PRKAR2A: variants seen among roughly 807,000 people sequenced by gnomAD.
The protein encoded by PRKAR2A is protein kinase cAMP-dependent type II regulatory subunit alpha, also known as cAMP-dependent protein kinase type II-alpha regulatory subunit.
A neutral mutation model predicts 51.9 loss-of-function variants in PRKAR2A; 29 were observed. The observed-to-expected ratio is 0.56, with a 90% CI of 0.42 to 0.76. The LOEUF (loss-of-function observed/expected upper bound fraction) is 0.76, where lower values mean the gene tolerates loss of function less well. Ranked by LOEUF, PRKAR2A falls within the 30% of genes least tolerant of loss-of-function variation. PRKAR2A has a pLI of 0.00. For missense variants in PRKAR2A, 445 were observed against 512.1 expected, an observed-to-expected ratio of 0.87 and a Z score of 1.26; for synonymous variants, 178 against 186.2, an observed-to-expected ratio of 0.96 and a Z score of 0.36.
At chr3:48,808,322 C>T (rs867319856) in intron 1 of PRKAR2A, among the ~76,000 whole-genome samples, 2 of 152,338 alleles carry the variant, frequency 1.3e-5, no homozygotes, top group Middle Eastern at 3.4e-3. Context: ...GGTGACATCT[C>T]GGCTCACTGC....
chr3:48,794,649 C>T (rs2082459505), intron 2 of PRKAR2A, among the ~76,000 whole-genome samples: 1 of 151,776 alleles, frequency 6.6e-6, no homozygotes, highest in African/African-American at 2.4e-5. Flanking sequence ...GAGCCGAGAT[C>T]ATGCCACTGC....
chr3:48,810,068 A>G (rs2082746468), intron 1 of PRKAR2A, among the ~76,000 whole-genome samples: 2 of 152,136 alleles, frequency 1.3e-5, no homozygotes, highest in South Asian at 4.1e-4. Flanking sequence ...CCCATTGCCA[A>G]TCAATTCTCT....
At chr3:48,804,695 T>G (rs528535992) in intron 2 of PRKAR2A, among the ~76,000 whole-genome samples, 1 of 152,080 alleles carries the variant, frequency 6.6e-6, no homozygotes, top group African/African-American at 2.4e-5. Context: ...AGAGTTGCAA[T>G]GCTTGTCATA....
intron 6 of PRKAR2A, among the ~76,000 whole-genome samples, chr3:48,771,674 C>T (rs2107253598): frequency 6.6e-6 from 1 of 152,194 alleles, no homozygotes; most frequent in East Asian, 1.9e-4. Flanking sequence ...CCACCTCAAC[C>T]TCCCAAAGTG....
chr3:48,822,156 A>G (rs2082977394), intron 1 of PRKAR2A, among the ~76,000 whole-genome samples: 1 of 146,402 alleles, frequency 6.8e-6, no homozygotes, highest in Non-Finnish European at 1.5e-5. Context: ...GGTTGCAGTG[A>G]GCCAAGATTG....
intron 2 of PRKAR2A, among the ~76,000 whole-genome samples, chr3:48,794,401 G>A (rs1233327754): frequency 6.6e-6 from 1 of 151,574 alleles, no homozygotes; most frequent in Non-Finnish European, 1.5e-5. Flanking sequence ...TCCACCTGAT[G>A]TATATCCACC....
At chr3:48,843,094 C>T (rs2083405329) in intron 1 of PRKAR2A, among the ~76,000 whole-genome samples, 1 of 152,106 alleles carries the variant, frequency 6.6e-6, no homozygotes, top group Admixed American at 6.6e-5. Context: ...ATTTCAGATC[C>T]TGTTATTGGT....
Position 48,829,590 on chromosome 3 carries a change from A to ACACACACATAAATGTGTG in PRKAR2A, c.262+17744_262+17745insCACACATTTATGTGTGTG, listed in dbSNP as rs1477522468. Reference sequence around the variant, plus strand: ...CACACATAAATATATATGTGTGTATATATACACACACATAAATGTGTGTGT... The same window carrying ACACACACATAAATGTGTG: ...CACACATAAATATATATGTGTGTATACACACACATAAATGTGTGTATACACACACATAAATGTGTGTGT... On this transcript the variant is annotated intron_variant, in intron 1 of 10. Coordinates refer to ENST00000265563, the MANE Select transcript of PRKAR2A (RefSeq NM_004157.4). Among the ~76,000 whole-genome samples the ACACACACATAAATGTGTG allele has an allele frequency of 2.9e-3, 103 of 35,640 alleles. 13 individuals are homozygous for ACACACACATAAATGTGTG. Among genetic ancestry groups the ACACACACATAAATGTGTG allele is most frequent in the Non-Finnish European group, 5.4e-3 (94 of 17,310 alleles). The allele number at this position is 35,640 out of a possible 152,430, so 23.4% of individuals were successfully genotyped here.
At chr3:48,793,107 A>G (rs950337643) in intron 3 of PRKAR2A, among the ~76,000 whole-genome samples, 1 of 151,896 alleles carries the variant, frequency 6.6e-6, no homozygotes, top group African/African-American at 2.4e-5. Context: ...ATATATACAA[A>G]TAAATATATA....
intron 1 of PRKAR2A, among the ~76,000 whole-genome samples, chr3:48,824,930 A>AGT (rs1351763574): frequency 6.6e-6 from 1 of 151,866 alleles, no homozygotes; most frequent in African/African-American, 2.4e-5. Flanking sequence ...TGGGCGACAG[A>AGT]GTGAAATTCC....
intron 1 of PRKAR2A, among the ~76,000 whole-genome samples, chr3:48,823,235 T>C (rs928551194): frequency 5.9e-5 from 9 of 151,976 alleles, no homozygotes; most frequent in South Asian, 2.1e-4. Context: ...GAAATCCTAA[T>C]AGGGTATATT....
intron 2 of PRKAR2A, among the ~76,000 whole-genome samples, chr3:48,806,123 CT>C (rs2082673025): frequency 6.6e-6 from 1 of 152,202 alleles, no homozygotes; most frequent in Non-Finnish European, 1.5e-5. Context: ...TATTGACTCT[CT>C]TAACATAACA....
Position 48,748,361 on chromosome 3 carries a change from T to G in PRKAR2A, c.*3224A>C, listed in dbSNP as rs1221902410. 6.6e-6 allele frequency: 1 copy of G among 151,362 alleles called. No individual in the cohort carries two copies. Among genetic ancestry groups the G allele is most frequent in the East Asian group, 1.9e-4 (1 of 5,146 alleles). The allele number at this position is 151,362 out of a possible 1,614,324, so 9.4% of individuals were successfully genotyped here. A position where few individuals can be genotyped will look rare whatever the true frequency, so the allele number is the denominator to read the frequency against. On this transcript the variant is annotated 3_prime_UTR_variant, in exon 11 of 11. Transcript: ENST00000265563. ...GTTGCCCAGGATGGTTTGGAACTCC[T>G]GGGCTCAAGCAATCCTCCCACTTTG...
intron 8 of PRKAR2A, among the ~76,000 whole-genome samples, chr3:48,760,719 C>G (rs909711200): frequency 2.0e-5 from 3 of 150,338 alleles, no homozygotes; most frequent in Non-Finnish European, 4.4e-5. Context: ...CCTGTAATCC[C>G]AGCTACTCAG....
Position 48,765,088 on chromosome 3 carries a change from C to T in PRKAR2A, c.799-10G>A. 1 of 1,612,592 alleles carries T rather than the reference C, an allele frequency of 6.2e-7. No individual in the cohort carries two copies. The highest frequency in any genetic ancestry group is 1.3e-5 in the African/African-American group (1 of 74,986). On this transcript the variant is annotated splice_polypyrimidine_tract_variant and intron_variant, in intron 7 of 10. Transcript: ENST00000265563. ...TCATTCGTTCTGACACCTGAAACAA[C>T]AAATTCACAAATAAAAGGAAAAGAC...
chr3:48,778,572 T>C (rs2082140529), intron 5 of PRKAR2A, among the ~76,000 whole-genome samples: 1 of 152,160 alleles, frequency 6.6e-6, no homozygotes, highest in Non-Finnish European at 1.5e-5. Context: ...CAGGCTGGAG[T>C]GCAGTGGCAT....
At chr3:48,808,250 T>C (rs2082709568) in intron 1 of PRKAR2A, among the ~76,000 whole-genome samples, 1 of 150,780 alleles carries the variant, frequency 6.6e-6, no homozygotes, top group African/African-American at 2.4e-5. Flanking sequence ...TTTTTTGTTT[T>C]TGTTTTGTTT....
chr3:48,778,342 G>A (rs1406834283), intron 5 of PRKAR2A, among the ~76,000 whole-genome samples: 4 of 151,704 alleles, frequency 2.6e-5, no homozygotes, highest in Non-Finnish European at 4.4e-5. Flanking sequence ...TTTATTCTGA[G>A]ACAGGGTCTC....
At position 48,807,617 on chromosome 3, in the gene PRKAR2A, T is replaced by A. The variant is rs753611785; in HGVS notation, c.298+32A>T. 2.7e-6 allele frequency: 4 copies of A among 1,485,120 alleles called. No individual in the cohort carries two copies. In the African/African-American group the frequency reaches 5.7e-5, roughly 21 times the overall value. 92.0% of individuals were successfully genotyped at this position (1,485,120 alleles called of 1,614,324 possible). A position where few individuals can be genotyped will look rare whatever the true frequency, so the allele number is the denominator to read the frequency against. On this transcript the variant is annotated intron_variant, in intron 2 of 10. Coordinates refer to ENST00000265563, the MANE Select transcript of PRKAR2A (RefSeq NM_004157.4). ...ATATATTCCTATCTTAAAATAACAT[T>A]TTAGAAGTATGTTATGAAATAGAAC...
Sources: allele counts gnomAD v4.1 joint callset (sites outside exome capture counted in the v4.1 genomes callset), GRCh38; gene constraint gnomAD v4.1.1; transcripts MANE v1.5; gene names NCBI Gene and HGNC (gene_info 2026-07-23, HGNC 2026-07-21).